The following ADGRB1 variants were observed in gnomAD, a reference collection of about 807,000 sequenced individuals.
ADGRB1 encodes adhesion G protein-coupled receptor B1.
Under a neutral mutation model 175.7 loss-of-function variants are expected in ADGRB1, and 36 were observed. The observed-to-expected ratio is 0.20, with a 90% confidence interval of 0.16 to 0.27. The LOEUF is 0.27. Among genes scored for constraint, ADGRB1 ranks in the 10% least tolerant of loss-of-function variants. ADGRB1 has a pLI of 1.00. For missense variants in ADGRB1, 1,731 were observed against 2,255.3 expected (o/e 0.77, Z 4.71); for synonymous variants, 1,054 against 979.4 (o/e 1.08, Z -1.42).
rs1335772700 is a variant in ADGRB1 at position 142,481,586 on chromosome 8, C to T, written c.2005C>T (p.Leu669=). Residue 669 remains leucine (L), a synonymous_variant, in exon 11 of 31, where the codon CTG becomes TTG. Coordinates refer to ENST00000517894, the MANE Select transcript of ADGRB1 (RefSeq NM_001702.3). ...GGGGGTCTCGGAGGTCATCCAGACA[C>T]TGGTGGAGATCTCTCAGGACGGGAC... ...GEGVSEVIQT[L]VEISQDGTSY... is the part of the protein sequence containing the mutation. 2.5e-6 allele frequency: 4 copies of T among 1,603,174 alleles called. No homozygotes were observed. The highest frequency in any genetic ancestry group is 2.7e-5 in the African/African-American group (2 of 74,730).
At chr8:142,463,700 A>G (rs1001121787) in intron 1 of ADGRB1, among the ~76,000 whole-genome samples, 1 of 152,236 alleles carries the variant, frequency 6.6e-6, no homozygotes, top group Non-Finnish European at 1.5e-5. Context: ...CCCCAGGTGG[A>G]CTGCCAGCCC....
intron 24 of ADGRB1, among the ~76,000 whole-genome samples, chr8:142,532,814 A>G (rs1467460983): frequency 6.6e-6 from 1 of 151,310 alleles, no homozygotes; most frequent in Non-Finnish European, 1.5e-5. Context: ...TCCTTGGCGC[A>G]CCCCACACCA....
Position 142,474,206 on chromosome 8 carries a change from G to GGCCC in ADGRB1, c.785-1267_785-1264dup, listed in dbSNP as rs1840810167. Among the ~76,000 whole-genome samples, 1 of 152,084 alleles carries GGCCC rather than the reference G, an allele frequency of 6.6e-6. No homozygotes were observed. The highest frequency in any genetic ancestry group is 2.4e-5 in the African/African-American group (1 of 41,406). On this transcript the variant is annotated intron_variant, in intron 2 of 30. Transcript: ENST00000517894. This position sits in a 1 kb window ranked among gnomAD's most constrained non-coding sequence, Gnocchi z 5.8. ...TTCCTGAGGCTCCAAGAGGCCCTGGGGCCCTTCTGGTGGGTCGGGGTGGCC... is the reference window on the plus strand; with the variant it reads ...TTCCTGAGGCTCCAAGAGGCCCTGGGGCCCGCCCTTCTGGTGGGTCGGGGTGGCC...
rs113034224 is a variant in ADGRB1, at chr8:142,464,674, G to A, written c.476G>A (p.Arg159Gln). Residue 159 changes from arginine (R) to glutamine (Q), a missense_variant, in exon 2 of 31, where the codon CGG (arginine) becomes CAG (glutamine). Physicochemically the swap from Arg to Gln is conservative, Grantham distance 43. Around this residue, in one of 8 missense-constraint regions of ADGRB1, gnomAD observed 383 missense variants for 383.1 expected, o/e 1.00. Coordinates refer to ENST00000517894, the MANE Select transcript of ADGRB1 (RefSeq NM_001702.3). ...CCCCAGCACGACGGGCTCCGGCCCC[G>A]GGCCGGGCCGCCGGGCCCCACCGAC... is the stretch of plus-strand genomic sequence containing the variant. ...QPPQHDGLRP[R>Q]AGPPGPTDDF... 4.7e-5 allele frequency: 72 copies of A among 1,524,250 alleles called. 1 individual carries two copies. In the South Asian group the frequency reaches 8.1e-4, roughly 17 times the overall value. 94.4% of individuals were successfully genotyped at this position (1,524,250 alleles called of 1,614,324 possible).
chr8:142,520,948 A>T, intron 20 of ADGRB1, 23 bp downstream of exon 20: 1 of 1,592,384 alleles, frequency 6.3e-7, no homozygotes, highest in Non-Finnish European at 8.6e-7. Context: ...GCGTCCTGCC[A>T]TGCACTTCCC....
chr8:142,495,983 A>T (rs1278879624), intron 17 of ADGRB1, among the ~76,000 whole-genome samples: 3 of 150,422 alleles, frequency 2.0e-5, no homozygotes, highest in African/African-American at 7.4e-5. Context: ...GGGTGGCTGG[A>T]TGGATGTGTA....
intron 1 of ADGRB1, among the ~76,000 whole-genome samples, chr8:142,456,658 G>T (rs1839701452): frequency 6.6e-6 from 1 of 152,224 alleles, no homozygotes; most frequent in Non-Finnish European, 1.5e-5. Flanking sequence ...TCACCTACTG[G>T]ACACACCTAC....
At chr8:142,539,621 G>A (rs970031141) in intron 27 of ADGRB1, 11 of 624,774 alleles carry the variant, frequency 1.8e-5, no homozygotes, top group African/African-American at 1.1e-4. Flanking sequence ...TCCTGAGGCC[G>A]AAGGAGGGTC....
rs115150338 is a variant in ADGRB1, at chr8:142,496,995, G to C, written c.2675+6180G>C. Among the ~76,000 whole-genome samples the C allele has an allele frequency of 6.6e-3, 1,008 of 152,334 alleles. 11 individuals carry two copies. Among genetic ancestry groups the C allele is most frequent in the African/African-American group, 0.023 (968 of 41,572 alleles). On this transcript the variant is annotated intron_variant, in intron 17 of 30. Coordinates refer to ENST00000517894, the MANE Select transcript of ADGRB1 (RefSeq NM_001702.3). ...CTCCTGGTAGGCGTGTGTGGAAGGA[G>C]GACGTGTGAGAGGCACATTTGCTGG...
intron 19 of ADGRB1, among the ~76,000 whole-genome samples, chr8:142,519,897 T>A (rs1461412969): frequency 1.4e-5 from 2 of 142,966 alleles, no homozygotes; most frequent in Non-Finnish European, 3.1e-5. Flanking sequence ...GGTGGTTGTG[T>A]TGGTGTTGGT....
intron 9 of ADGRB1, 71 bp from the exon 10 acceptor site, chr8:142,481,183 G>A (rs1841314907): frequency 1.4e-6 from 2 of 1,446,854 alleles, no homozygotes; most frequent in South Asian, 2.3e-5. Flanking sequence ...AAGGTCTGCT[G>A]CCAGGGGCCA....
chr8:142,487,726 A>G (rs1841746460), intron 13 of ADGRB1, among the ~76,000 whole-genome samples: 1 of 151,566 alleles, frequency 6.6e-6, no homozygotes, highest in Non-Finnish European at 1.5e-5. Context: ...CCCCACGTCC[A>G]TTTGCCCCTA....
intron 1 of ADGRB1, among the ~76,000 whole-genome samples, chr8:142,458,817 G>A (rs1839817513): frequency 6.6e-6 from 1 of 152,218 alleles, no homozygotes; most frequent in African/African-American, 2.4e-5. Flanking sequence ...GGCTTTGCTG[G>A]TAATTGGTCA....
At chr8:142,534,891 C>T (rs985835544) in intron 25 of ADGRB1, among the ~76,000 whole-genome samples, 3 of 152,202 alleles carry the variant, frequency 2.0e-5, no homozygotes, top group African/African-American at 7.2e-5. Flanking sequence ...AAAGCAGGTG[C>T]CACCTGCTCC....
At chr8:142,451,761 G>C (rs1057082719) in intron 1 of ADGRB1, among the ~76,000 whole-genome samples, 3 of 152,172 alleles carry the variant, frequency 2.0e-5, no homozygotes, top group Non-Finnish European at 2.9e-5. Context: ...ATCTGGGAGG[G>C]AGGTGGTATA....
chr8:142,486,128 T>G (rs559325950), intron 13 of ADGRB1, among the ~76,000 whole-genome samples: 1 of 152,260 alleles, frequency 6.6e-6, no homozygotes, highest in Admixed American at 6.5e-5. Context: ...ACCCTGTGCA[T>G]CCCATATGCT....
chr8:142,484,056 G>T lies in ADGRB1; in HGVS notation c.2199+11G>T. On this transcript the variant is annotated intron_variant, in intron 12 of 30. Coordinates refer to ENST00000517894, the MANE Select transcript of ADGRB1 (RefSeq NM_001702.3). The stretch of plus-strand genomic sequence containing the variant: ...GAGGAGGCCCAGCTGGTAGGGCCTG[G>T]GGCCCCTACGGTCAGCAGCCTCAGG... 6.2e-7 allele frequency: 1 copy of T among 1,606,414 alleles called. No homozygotes were observed. Among genetic ancestry groups the T allele is most frequent in the Non-Finnish European group, 8.5e-7 (1 of 1,177,528 alleles).
chr8:142,464,908 G>A lies in ADGRB1; in HGVS notation c.710G>A (p.Arg237Lys). The A allele has an allele frequency of 6.5e-7, 1 of 1,530,202 alleles. No homozygotes were observed. Among genetic ancestry groups the A allele is most frequent in the South Asian group, 1.2e-5 (1 of 83,448 alleles). The allele number at this position is 1,530,202 out of a possible 1,614,324, so 94.8% of individuals were successfully genotyped here. The change falls in exon 2 of 31, where the codon AGA (arginine) becomes AAA (lysine). Residue 237 changes from arginine (R) to lysine (K), a missense_variant. Around this residue, in one of 8 missense-constraint regions of ADGRB1, gnomAD observed 383 missense variants for 383.1 expected, o/e 1.00. Coordinates refer to ENST00000517894, the MANE Select transcript of ADGRB1 (RefSeq NM_001702.3). ...PLAPRGDVCL[R>K]DAVAGGPENC... Reference sequence around the variant, plus strand: ...GCCCCCCGCGGGGATGTCTGCTTGAGAGATGCGGTGGCTGGTGGCCCTGAA... The same window carrying A: ...GCCCCCCGCGGGGATGTCTGCTTGAAAGATGCGGTGGCTGGTGGCCCTGAA...
At chr8:142,469,679 ATGTG>A (rs527693894) in intron 2 of ADGRB1, among the ~76,000 whole-genome samples, 2 of 139,688 alleles carry the variant, frequency 1.4e-5, no homozygotes, top group African/African-American at 5.4e-5. Context: ...GTGCACGTGA[ATGTG>A]TGTGAATGTG....
Sources: allele counts gnomAD v4.1 joint callset (sites outside exome capture counted in the v4.1 genomes callset), GRCh38; gene constraint gnomAD v4.1.1; regional missense constraint gnomAD v4.1.1; non-coding constraint Gnocchi (gnomAD v3.1); transcripts MANE v1.5; gene names NCBI Gene and HGNC (gene_info 2026-07-23, HGNC 2026-07-21).